Variants in WNT7A observed in about 807,000 individuals in gnomAD.
WNT7A encodes the protein Wnt family member 7A, also known as protein Wnt-7a.
WNT7A carries 16 observed loss-of-function variants against 28.2 expected under a neutral mutation model. The ratio of observed to expected loss-of-function variants is 0.57; its 90% CI spans 0.38 to 0.86. The LOEUF (loss-of-function observed/expected upper bound fraction) is 0.86. WNT7A is among the 40% of genes least tolerant of loss of function. The probability of loss-of-function intolerance (pLI) is 0.00; values close to 1 mark genes in which losing one functional copy is unlikely to be tolerated. For synonymous variants in WNT7A, 190 were observed against 195.9 expected, an observed-to-expected ratio of 0.97 and a Z score of 0.25; for missense variants, 411 against 489.7, an observed-to-expected ratio of 0.84 and a Z score of 1.52.
At position 13,879,973 on chromosome 3, in the gene WNT7A, T is replaced by C. The variant is rs895239202; in HGVS notation, c.-157A>G. ...CGTCCGCGCGCTCCGCGCCTGAGCC[T>C]CGCCAGGAGCACGGGAGCCACGGAG... On this transcript the variant is annotated 5_prime_UTR_variant, in exon 1 of 4. Transcript: ENST00000285018. 4.4e-5 allele frequency: 21 copies of C among 473,678 alleles called. No homozygotes were observed. The highest frequency in any genetic ancestry group is 6.5e-5 in the Non-Finnish European group (19 of 293,054). The allele number at this position is 473,678 out of a possible 1,614,324, so 29.3% of individuals were successfully genotyped here.
chr3:13,840,595 T>TCCA (rs1694440662), intron 3 of WNT7A, among the ~76,000 whole-genome samples: 4 of 144,130 alleles, frequency 2.8e-5, no homozygotes, highest in Middle Eastern at 3.5e-3. Context: ...TAGCTATTCA[T>TCCA]TCATCCATCC....
chr3:13,852,700 G>C (rs80336558), intron 3 of WNT7A, among the ~76,000 whole-genome samples: 1 of 152,124 alleles, frequency 6.6e-6, no homozygotes, highest in Non-Finnish European at 1.5e-5. Flanking sequence ...ACCGTGCTCT[G>C]GCTGAGTGGT....
At chr3:13,869,549 A>G (rs1306696241) in intron 2 of WNT7A, among the ~76,000 whole-genome samples, 1 of 150,546 alleles carries the variant, frequency 6.6e-6, no homozygotes, top group African/African-American at 2.4e-5. Flanking sequence ...AAGAAAAAAG[A>G]AAGAAAAGAA....
intron 1 of WNT7A, among the ~76,000 whole-genome samples, chr3:13,875,604 T>C (rs925872987): frequency 3.9e-5 from 6 of 152,206 alleles, no homozygotes; most frequent in Non-Finnish European, 8.8e-5. Context: ...CTTCAAAGTT[T>C]CATGCAGCAG....
At chr3:13,846,743 T>C (rs569858035) in intron 3 of WNT7A, among the ~76,000 whole-genome samples, 1 of 152,142 alleles carries the variant, frequency 6.6e-6, no homozygotes, top group Admixed American at 6.5e-5. Flanking sequence ...CCTGCCACCC[T>C]CCTAACCACA....
At chr3:13,849,936 A>G (rs1160996698) in intron 3 of WNT7A, among the ~76,000 whole-genome samples, 1 of 152,134 alleles carries the variant, frequency 6.6e-6, no homozygotes, top group African/African-American at 2.4e-5. Flanking sequence ...TTGGGGTACA[A>G]TGGTCCCAAG....
intron 2 of WNT7A, among the ~76,000 whole-genome samples, chr3:13,868,227 C>A (rs552663488): frequency 2.0e-4 from 30 of 151,990 alleles, no homozygotes; most frequent in Non-Finnish European, 2.9e-4. Context: ...GGTGCAGTGG[C>A]TCACACCTGT....
At chr3:13,837,212 C>A (rs181562619) in intron 3 of WNT7A, among the ~76,000 whole-genome samples, 1 of 152,152 alleles carries the variant, frequency 6.6e-6, no homozygotes, top group Admixed American at 6.5e-5. Flanking sequence ...TATTCCAGGA[C>A]GACACCAAGC....
At chr3:13,869,445 AAAAG>A (rs1262260865) in intron 2 of WNT7A, among the ~76,000 whole-genome samples, 9 of 146,792 alleles carry the variant, frequency 6.1e-5, no homozygotes, top group East Asian at 2.1e-4. Context: ...AAAGAAAAGA[AAAAG>A]AAAGAAAGAC....
chr3:13,869,431 GAAGAAAGAAAAGAAA>G (rs1280286012), intron 2 of WNT7A, among the ~76,000 whole-genome samples: 3 of 77,762 alleles, frequency 3.9e-5, no homozygotes, highest in Non-Finnish European at 7.2e-5. Context: ...ACAAAGAAAA[GAAGAAAGAAAAGAAA>G]AAGAAAGAAA....
At chr3:13,879,495 C>T (rs1383564511) in intron 1 of WNT7A, among the ~76,000 whole-genome samples, 1 of 152,118 alleles carries the variant, frequency 6.6e-6, no homozygotes, top group Non-Finnish European at 1.5e-5. Flanking sequence ...TGGAGCGTCC[C>T]TACCGGCTGT....
intron 3 of WNT7A, among the ~76,000 whole-genome samples, chr3:13,839,127 T>C (rs965424851): frequency 6.6e-6 from 1 of 152,182 alleles, no homozygotes; most frequent in East Asian, 1.9e-4. Context: ...ACCCATGTGT[T>C]TGGTATTATG....
chr3:13,834,438 TGGGTGCGTGCTGGGAGTC>T, intron 3 of WNT7A, among the ~76,000 whole-genome samples: 2 of 152,046 alleles, frequency 1.3e-5, no homozygotes, highest in Non-Finnish European at 2.9e-5. Context: ...CGCTGTGGGT[TGGGTGCGTGCTGGGAGTC>T]GGGTGTACGG....
chr3:13,861,772 G>C (rs910882554), intron 2 of WNT7A, among the ~76,000 whole-genome samples: 2 of 152,170 alleles, frequency 1.3e-5, no homozygotes, highest in East Asian at 3.9e-4. Flanking sequence ...GAGATTCCTA[G>C]AGCCACAGAA....
chr3:13,821,385 G>A (rs1694107821), intron 3 of WNT7A, among the ~76,000 whole-genome samples: 1 of 152,182 alleles, frequency 6.6e-6, no homozygotes, highest in African/African-American at 2.4e-5. Flanking sequence ...TAAGGCTGAG[G>A]ATGCACATGC....
intron 2 of WNT7A, among the ~76,000 whole-genome samples, chr3:13,856,813 A>G (rs1333610632): frequency 2.0e-5 from 3 of 151,474 alleles, no homozygotes; most frequent in Non-Finnish European, 4.4e-5. Context: ...GCGAAACTCC[A>G]TGAAGAAGAA....
At chr3:13,858,084 C>T (rs745867062) in intron 2 of WNT7A, among the ~76,000 whole-genome samples, 2 of 152,190 alleles carry the variant, frequency 1.3e-5, no homozygotes, top group Non-Finnish European at 2.9e-5. Flanking sequence ...TTGCCTGGGA[C>T]ACCCAACATG....
rs138870218 is a variant in WNT7A at position 13,817,339 on chromosome 3, C to G, written c.*1605G>C. 5.9e-5 allele frequency: 9 copies of G among 152,306 alleles called. No individual in the cohort carries two copies. The highest frequency in any genetic ancestry group is 5.9e-4 in the Admixed American group (9 of 15,264). The allele number at this position is 152,306 out of a possible 1,614,324, so 9.4% of individuals were successfully genotyped here. ...GACGCTTGGGTAGCACGGAAACACA[C>G]AGACACATACACACACGAGTACGGC... On this transcript the variant is annotated 3_prime_UTR_variant, in exon 4 of 4. Transcript: ENST00000285018.
chr3:13,867,102 G>T (rs1176747413), intron 2 of WNT7A, among the ~76,000 whole-genome samples: 1 of 152,126 alleles, frequency 6.6e-6, no homozygotes, highest in African/African-American at 2.4e-5. Flanking sequence ...AAGCGGGCAG[G>T]GGATGTCATC....
Sources: gnomAD v4.1 joint callset for allele counts (sites outside exome capture counted in the v4.1 genomes callset) on GRCh38, gnomAD v4.1.1 for gene constraint, MANE v1.5 for transcripts, NCBI Gene and HGNC (gene_info 2026-07-23, HGNC 2026-07-21) for gene names.